The following RIT2 variants were observed in gnomAD, a reference collection of about 807,000 sequenced individuals.
The protein encoded by RIT2 is GTP-binding protein Rit2.
RIT2 carries 24 observed loss-of-function variants against 23.7 expected under a neutral mutation model. That is an observed-to-expected ratio of 1.01 (90% CI 0.73 to 1.43). The LOEUF is 1.43. Ranked by LOEUF, RIT2 falls within the 40% of genes most tolerant of loss-of-function variation. RIT2 has a pLI of 0.00. For missense variants in RIT2, 236 were observed against 266.9 expected, an observed-to-expected ratio of 0.88 and a Z score of 0.81; for synonymous variants, 107 against 91.1, an observed-to-expected ratio of 1.17 and a Z score of -0.99.
At chr18:42,923,494 C>G in intron 4 of RIT2, 78 bp downstream of exon 4, 1 of 1,181,498 alleles carries the variant, frequency 8.5e-7, no homozygotes, top group East Asian at 2.4e-5. Flanking sequence ...TCAGTGTGAA[C>G]CTGGGAAAGC....
chr18:42,965,711 C>CTTTTTTTTTTTTTTTTTTTTT lies in RIT2; in HGVS notation c.234+8342_234+8362dup, dbSNP rs58344278. ...GGTAAACAAAGATGTGTACTGATGG[C>CTTTTTTTTTTTTTTTTTTTTT]TTTTTTTTTTTTTTTTTTTTTTTTT... On this transcript the variant is annotated intron_variant, in intron 3 of 4. Transcript: ENST00000326695. Among the ~76,000 whole-genome samples the CTTTTTTTTTTTTTTTTTTTTT allele has an allele frequency of 2.9e-4, 11 of 37,778 alleles. 2 individuals are homozygous for CTTTTTTTTTTTTTTTTTTTTT. The highest frequency in any genetic ancestry group is 4.3e-4 in the Non-Finnish European group (8 of 18,726). The allele number at this position is 37,778 out of a possible 152,430, so 24.8% of individuals were successfully genotyped here. A position where few individuals can be genotyped will look rare whatever the true frequency, so the allele number is the denominator to read the frequency against.
At chr18:42,831,249 G>A (rs1906449107) in intron 4 of RIT2, among the ~76,000 whole-genome samples, 1 of 152,110 alleles carries the variant, frequency 6.6e-6, no homozygotes, top group Non-Finnish European at 1.5e-5. Context: ...AAACATCTGT[G>A]CTTAGGATTG....
Position 42,827,749 on chromosome 18 carries a change from C to A in RIT2, c.427-84029G>T, listed in dbSNP as rs533323551. Among the ~76,000 whole-genome samples the A allele has an allele frequency of 6.6e-5, 10 of 151,970 alleles. No homozygotes were observed. The South Asian group carries it at 1.9e-3, about 28-fold the overall frequency. ...GGCCAGGCGTGGTGGCTCATGCCTG[C>A]AATCCCAGCACTTTGGGAGGCCGAG... is the stretch of plus-strand genomic sequence containing the variant. On this transcript the variant is annotated intron_variant, in intron 4 of 4. Transcript: ENST00000326695.
chr18:43,044,497 T>C (rs879783800), intron 1 of RIT2, among the ~76,000 whole-genome samples: 5 of 152,224 alleles, frequency 3.3e-5, no homozygotes, highest in Non-Finnish European at 7.3e-5. Context: ...ACCAAACCTA[T>C]ACTTCCCAGA....
intron 1 of RIT2, among the ~76,000 whole-genome samples, chr18:43,082,664 G>A (rs901060142): frequency 2.7e-5 from 4 of 150,884 alleles, no homozygotes; most frequent in East Asian, 1.9e-4. Flanking sequence ...AAAGGCTTTC[G>A]ATAAAATTCA....
rs141166752 is a variant in RIT2, at chr18:42,783,123, A to G, written c.427-39403T>C. The stretch of plus-strand genomic sequence containing the variant: ...TCATTCTGAGTATTAGTGTCTTACC[A>G]AACACGTTTGTCCAGATTCTGATGC... On this transcript the variant is annotated intron_variant, in intron 4 of 4. Transcript: ENST00000326695. 7.4e-3 allele frequency among the ~76,000 whole-genome samples: 1,130 copies of G among 152,246 alleles called. 8 individuals are homozygous for G. The highest frequency in any genetic ancestry group is 8.0e-3 in the Non-Finnish European group (547 of 67,986).
intron 2 of RIT2, among the ~76,000 whole-genome samples, chr18:43,027,413 G>T (rs573592741): frequency 2.0e-5 from 3 of 152,184 alleles, no homozygotes; most frequent in East Asian, 3.9e-4. Context: ...TTTTGAGCAA[G>T]ATTTTTGATT....
chr18:42,887,527 G>A (rs1471286711), intron 4 of RIT2, among the ~76,000 whole-genome samples: 3 of 152,098 alleles, frequency 2.0e-5, no homozygotes, highest in Non-Finnish European at 2.9e-5. Context: ...GTGCAGCAAC[G>A]GGAATTCTCC....
At chr18:43,002,614 C>T (rs556678956) in intron 2 of RIT2, among the ~76,000 whole-genome samples, 5 of 151,876 alleles carry the variant, frequency 3.3e-5, no homozygotes, top group Non-Finnish European at 4.4e-5. Context: ...TCCAGATGAT[C>T]ACTTGCAGGG....
intron 1 of RIT2, among the ~76,000 whole-genome samples, chr18:43,034,404 A>G (rs1177515110): frequency 1.3e-5 from 2 of 152,114 alleles, no homozygotes; most frequent in East Asian, 3.9e-4. Flanking sequence ...GTTATCGACC[A>G]CCTTTTCTTC....
At chr18:42,892,208 A>C (rs1043676156) in intron 4 of RIT2, among the ~76,000 whole-genome samples, 5 of 152,152 alleles carry the variant, frequency 3.3e-5, no homozygotes, top group African/African-American at 1.2e-4. Context: ...TCCTACCTAG[A>C]GTACTAATTC....
intron 3 of RIT2, among the ~76,000 whole-genome samples, chr18:42,924,864 C>A (rs1044442967): frequency 2.0e-5 from 3 of 152,012 alleles, no homozygotes; most frequent in African/African-American, 7.2e-5. Context: ...TTATGTAGAT[C>A]CAGGAACTTT....
In RIT2 at chr18:43,048,414, T is replaced by C. The variant is rs528630993; in HGVS notation, c.104-14547A>G. 4.6e-5 allele frequency among the ~76,000 whole-genome samples: 7 copies of C among 152,212 alleles called. No homozygotes were observed. In the South Asian group the frequency reaches 1.5e-3, roughly 32 times the overall value. ...ACACAAAACTGTCAGTCTGGGAAAA[T>C]GGTTAAGGAAACAAGTGCTAGAAGC... On this transcript the variant is annotated intron_variant, in intron 1 of 4. Coordinates refer to ENST00000326695, the MANE Select transcript of RIT2 (RefSeq NM_002930.4).
chr18:42,921,575 G>C (rs942878017), intron 4 of RIT2, among the ~76,000 whole-genome samples: 1 of 152,136 alleles, frequency 6.6e-6, no homozygotes, highest in Admixed American at 6.6e-5. Context: ...AGGGCCTGGA[G>C]AGTGAAGGAA....
intron 1 of RIT2, among the ~76,000 whole-genome samples, chr18:43,076,042 T>A (rs1439521553): frequency 6.6e-6 from 1 of 152,220 alleles, no homozygotes; most frequent in Non-Finnish European, 1.5e-5. Context: ...AGCAGAGGCC[T>A]GGCTTTAGAG....
intron 2 of RIT2, among the ~76,000 whole-genome samples, chr18:42,980,732 G>A (rs11082301): frequency 0.22 from 32,755 of 152,010 alleles, 4,474 homozygotes; most frequent in African/African-American, 0.38. Context: ...GTCCTGTGGA[G>A]ACACAGAACC....
At chr18:42,939,009 G>T (rs1297153432) in intron 3 of RIT2, among the ~76,000 whole-genome samples, 1 of 152,124 alleles carries the variant, frequency 6.6e-6, no homozygotes, top group African/African-American at 2.4e-5. Context: ...GCCTCCCAAA[G>T]TGCTGGGGTT....
chr18:42,750,450 A>G (rs10502797), intron 4 of RIT2, among the ~76,000 whole-genome samples: 2,516 of 151,946 alleles, frequency 0.017, 26 homozygotes, highest in Non-Finnish European at 0.027. Context: ...GCAATTAAAC[A>G]CTCAATTAAA....
At chr18:43,104,029 C>T (rs569621817) in intron 1 of RIT2, among the ~76,000 whole-genome samples, 14 of 152,202 alleles carry the variant, frequency 9.2e-5, no homozygotes, top group Admixed American at 2.6e-4. Context: ...ATATGGAATA[C>T]AACGGAACGC....
Sources: allele counts gnomAD v4.1 joint callset (sites outside exome capture counted in the v4.1 genomes callset), GRCh38; gene constraint gnomAD v4.1.1; transcripts MANE v1.5; gene names NCBI Gene and HGNC (gene_info 2026-07-23, HGNC 2026-07-21).